Variants in CRB1 observed in about 807,000 individuals in gnomAD.
The protein encoded by CRB1 is protein crumbs homolog 1.
In CRB1, 83 loss-of-function variants were observed where a neutral mutation model predicts 120.0. The observed-to-expected ratio is 0.69, with a 90% CI of 0.58 to 0.83. CRB1 has a LOEUF of 0.83. CRB1 is among the 40% of genes least tolerant of loss of function. The pLI is 0.00. For synonymous variants in CRB1, 625 were observed against 612.5 expected, an observed-to-expected ratio of 1.02 and a Z score of -0.30; for missense variants, 1,699 against 1,687.6, an observed-to-expected ratio of 1.01 and a Z score of -0.12.
rs774597915 is a variant in CRB1, at chr1:197,356,949, G to A, written c.1107G>A (p.Leu369=). ...SEKQYGRITG[L]PSSFSYHEAS... is the part of the protein sequence containing the mutation. Reference sequence around the variant, plus strand: ...AACAATATGGACGCATCACTGGACTGCCTTCTTCTTTCAGCTACCATGAAG... The same window carrying A: ...AACAATATGGACGCATCACTGGACTACCTTCTTCTTTCAGCTACCATGAAG... Residue 369 remains leucine, a synonymous_variant, in exon 5 of 12, where the codon CTG becomes CTA. Transcript: ENST00000367400. The A allele has an allele frequency of 1.2e-6, 2 of 1,614,188 alleles. No homozygotes were observed. Among genetic ancestry groups the A allele is most frequent in the African/African-American group, 2.7e-5 (2 of 75,032 alleles).
intron 1 of CRB1, among the ~76,000 whole-genome samples, chr1:197,284,459 A>C (rs1270918677): frequency 6.6e-6 from 1 of 151,964 alleles, no homozygotes; most frequent in Non-Finnish European, 1.5e-5. Context: ...AATCAGGTTT[A>C]TGTGATTAGC....
At chr1:197,405,923 A>C (rs1447497456) in intron 5 of CRB1, among the ~76,000 whole-genome samples, 7 of 149,858 alleles carry the variant, frequency 4.7e-5, no homozygotes, top group Non-Finnish European at 7.4e-5. Flanking sequence ...AGCCCCCGCC[A>C]GGCCAGCCGT....
At chr1:197,405,266 C>T (rs1571486151) in intron 5 of CRB1, among the ~76,000 whole-genome samples, 1 of 152,146 alleles carries the variant, frequency 6.6e-6, no homozygotes, top group South Asian at 2.1e-4. Context: ...TTGGTGGAGA[C>T]GGGGTTTCGC....
intron 5 of CRB1, among the ~76,000 whole-genome samples, chr1:197,407,681 A>G (rs1055607609): frequency 6.6e-6 from 1 of 152,166 alleles, no homozygotes; most frequent in African/African-American, 2.4e-5. Context: ...ATTTCTAGTG[A>G]TGTGTCCTAA....
chr1:197,219,975 T>G, the CRB1 span, among the ~76,000 whole-genome samples: 1 of 152,232 alleles, frequency 6.6e-6, no homozygotes, highest in African/African-American at 2.4e-5. Context: ...CTGACTAGGA[T>G]AATGACCCAG....
chr1:197,301,899 A>G (rs1004386102), intron 1 of CRB1, among the ~76,000 whole-genome samples: 5 of 152,174 alleles, frequency 3.3e-5, no homozygotes, highest in African/African-American at 1.2e-4. Context: ...TGAAAAAAAA[A>G]AGAATTTTGT....
At chr1:197,255,996 T>TATATATATATATACACACAC in the CRB1 span, among the ~76,000 whole-genome samples, 2 of 116,710 alleles carry the variant, frequency 1.7e-5, no homozygotes, top group Non-Finnish European at 3.5e-5. Context: ...TATATATATA[T>TATATATATATATACACACAC]ACACTACAAT....
chr1:197,281,067 A>T (rs1378535356), intron 1 of CRB1, among the ~76,000 whole-genome samples: 1 of 151,902 alleles, frequency 6.6e-6, no homozygotes, highest in East Asian at 1.9e-4. Context: ...AGTAATTGTG[A>T]TGCATGTCAT....
intron 1 of CRB1, among the ~76,000 whole-genome samples, chr1:197,290,096 T>C (rs904813285): frequency 5.9e-5 from 9 of 151,828 alleles, no homozygotes; most frequent in Admixed American, 5.9e-4. Flanking sequence ...TATAATTTTT[T>C]ATTTTGAGTC....
intron 2 of CRB1, among the ~76,000 whole-genome samples, chr1:197,342,335 C>T (rs1204323942): frequency 6.6e-6 from 1 of 152,158 alleles, no homozygotes; most frequent in Non-Finnish European, 1.5e-5. Flanking sequence ...TCTATCTTGA[C>T]ATCTCCCCAA....
the CRB1 span, among the ~76,000 whole-genome samples, chr1:197,227,431 G>A: frequency 4.3e-5 from 6 of 138,972 alleles, no homozygotes; most frequent in South Asian, 8.9e-4. Flanking sequence ...CTCGCTCATC[G>A]CCCAGGCTGG....
intron 8 of CRB1, among the ~76,000 whole-genome samples, chr1:197,432,970 T>C (rs1253320084): frequency 1.3e-5 from 2 of 152,010 alleles, no homozygotes; most frequent in African/African-American, 4.8e-5. Context: ...ATTGTGGCTG[T>C]GGCCTGTGAA....
chr1:197,398,726 GT>G (rs1662901740), intron 5 of CRB1, among the ~76,000 whole-genome samples: 1 of 152,070 alleles, frequency 6.6e-6, no homozygotes, highest in African/African-American at 2.4e-5. Context: ...AAAATAATAA[GT>G]TTGATAATCC....
intron 2 of CRB1, among the ~76,000 whole-genome samples, chr1:197,333,424 G>A (rs991007186): frequency 6.6e-6 from 1 of 152,170 alleles, no homozygotes; most frequent in Non-Finnish European, 1.5e-5. Flanking sequence ...TTCATGCAAT[G>A]AATCATTTCA....
intron 8 of CRB1, among the ~76,000 whole-genome samples, chr1:197,433,135 A>G (rs939423190): frequency 6.6e-6 from 1 of 151,164 alleles, no homozygotes; most frequent in Non-Finnish European, 1.5e-5. Context: ...ACTTCAAGCT[A>G]TCCACCCTCC....
intron 5 of CRB1, among the ~76,000 whole-genome samples, chr1:197,381,363 G>A (rs143444577): frequency 1.1e-3 from 160 of 152,240 alleles, no homozygotes; most frequent in South Asian, 1.5e-3. Context: ...CACTTACTTC[G>A]TATCTCATAG....
At chr1:197,266,188 T>A (rs1190241221), upstream of CRB1, among the ~76,000 whole-genome samples, 1 of 152,198 alleles carries the variant, frequency 6.6e-6, no homozygotes, top group African/African-American at 2.4e-5. Flanking sequence ...TTTTTCATAC[T>A]GCTATAACAA....
At chr1:197,450,595 A>G (rs866358047) in intron 11 of CRB1, among the ~76,000 whole-genome samples, 1 of 151,996 alleles carries the variant, frequency 6.6e-6, no homozygotes, top group Non-Finnish European at 1.5e-5. Context: ...CTGCCTTCAC[A>G]TATTTGAAAC....
the CRB1 span, among the ~76,000 whole-genome samples, chr1:197,258,355 A>G: frequency 1.3e-5 from 2 of 151,938 alleles, no homozygotes; most frequent in African/African-American, 4.8e-5. Context: ...TTGCCTCCCC[A>G]TCCCATGTTT....
Sources: allele counts gnomAD v4.1 joint callset (sites outside exome capture counted in the v4.1 genomes callset), GRCh38; gene constraint gnomAD v4.1.1; transcripts MANE v1.5; gene names NCBI Gene and HGNC (gene_info 2026-07-23, HGNC 2026-07-21).